AGBL4: variants seen among roughly 807,000 people sequenced by gnomAD.
AGBL4 encodes AGBL carboxypeptidase 4.
A neutral mutation model predicts 66.4 loss-of-function variants in AGBL4; 58 were observed. The ratio of observed to expected loss-of-function variants is 0.87; its 90% CI spans 0.71 to 1.09. The LOEUF (loss-of-function observed/expected upper bound fraction) is 1.09. AGBL4 is among the 50% of genes least tolerant of loss of function. AGBL4 has a pLI of 0.00. For missense variants in AGBL4, 579 were observed against 631.0 expected (o/e 0.92, Z 0.88); for synonymous variants, 234 against 222.9 (o/e 1.05, Z -0.44).
chr1:48,600,295 G>T (rs892697841), intron 9 of AGBL4, among the ~76,000 whole-genome samples: 1 of 152,138 alleles, frequency 6.6e-6, no homozygotes, highest in African/African-American at 2.4e-5. Context: ...AGTTCCCAGG[G>T]CCTAGATCCT....
At chr1:49,288,696 G>A (rs1241834812) in intron 3 of AGBL4, among the ~76,000 whole-genome samples, 1 of 152,162 alleles carries the variant, frequency 6.6e-6, no homozygotes, top group Non-Finnish European at 1.5e-5. Context: ...GGAGTTCAAG[G>A]CCTACCAAGT....
At chr1:48,702,199 G>T (rs1646813091) in intron 6 of AGBL4, among the ~76,000 whole-genome samples, 3 of 152,098 alleles carry the variant, frequency 2.0e-5, no homozygotes, top group Non-Finnish European at 4.4e-5. Context: ...CCCGCCTTCT[G>T]CTTTCTGAGC....
chr1:49,483,632 A>C (rs1342427177), intron 3 of AGBL4, among the ~76,000 whole-genome samples: 1 of 152,032 alleles, frequency 6.6e-6, no homozygotes, highest in East Asian at 1.9e-4. Flanking sequence ...ATCTACCTTA[A>C]ACTATAAAAC....
intron 1 of AGBL4, among the ~76,000 whole-genome samples, chr1:49,857,178 G>A (rs1276201900): frequency 6.6e-6 from 1 of 151,920 alleles, no homozygotes; most frequent in African/African-American, 2.4e-5. Context: ...CCAACGGGCT[G>A]AAAGACTGCA....
intron 5 of AGBL4, among the ~76,000 whole-genome samples, chr1:48,874,873 A>C (rs968446560): frequency 1.3e-5 from 2 of 152,264 alleles, no homozygotes; most frequent in African/African-American, 4.8e-5. Context: ...CATTCTGTGC[A>C]CCACCACCTT....
At chr1:48,544,166 C>T (rs1212631691) in intron 11 of AGBL4, among the ~76,000 whole-genome samples, 1 of 152,232 alleles carries the variant, frequency 6.6e-6, no homozygotes, top group East Asian at 1.9e-4. Flanking sequence ...TGACTGACCT[C>T]CTCTGTCCTC....
At position 48,955,244 on chromosome 1, in the gene AGBL4, C is replaced by T. The variant is rs140780190; in HGVS notation, c.595-88014G>A. ...TGAGTTGGGAGGGATATCAAGGTGACGCAGACATTTTTAACCACAGTTATA... is the reference window on the plus strand; with the variant it reads ...TGAGTTGGGAGGGATATCAAGGTGATGCAGACATTTTTAACCACAGTTATA... On this transcript the variant is annotated intron_variant, in intron 5 of 13. Transcript: ENST00000371839. Among the ~76,000 whole-genome samples, 356 of 152,304 alleles carry T rather than the reference C, an allele frequency of 2.3e-3. 4 individuals carry two copies. Among genetic ancestry groups the T allele is most frequent in the African/African-American group, 7.5e-3 (313 of 41,574 alleles).
intron 3 of AGBL4, among the ~76,000 whole-genome samples, chr1:49,523,165 A>G (rs1650399864): frequency 6.6e-6 from 1 of 152,100 alleles, no homozygotes; most frequent in Non-Finnish European, 1.5e-5. Flanking sequence ...TTTTCATACG[A>G]ATCAATGACA....
intron 3 of AGBL4, among the ~76,000 whole-genome samples, chr1:49,436,243 G>T (rs2148662597): frequency 6.6e-6 from 1 of 152,260 alleles, no homozygotes; most frequent in Admixed American, 6.5e-5. Context: ...TCATCTAGAA[G>T]TCGGTAAGTA....
intron 1 of AGBL4, among the ~76,000 whole-genome samples, chr1:49,948,442 TATAAATATATAAATATAG>T (rs1173137176): frequency 0.3 from 34,071 of 113,212 alleles, 6,074 homozygotes; most frequent in East Asian, 0.73. Context: ...TATAAATATA[TATAAATATATAAATATAG>T]ATAAATATAT....
intron 1 of AGBL4, among the ~76,000 whole-genome samples, chr1:49,862,009 C>T (rs1204007467): frequency 8.5e-5 from 13 of 152,100 alleles, no homozygotes; most frequent in Non-Finnish European, 1.6e-4. Flanking sequence ...AGCATCAAAA[C>T]CACCCACAAA....
chr1:49,396,539 CAAAAATATGAA>C (rs1644979417), intron 3 of AGBL4, among the ~76,000 whole-genome samples: 2 of 151,568 alleles, frequency 1.3e-5, no homozygotes, highest in African/African-American at 4.9e-5. Flanking sequence ...TTTTTAATAG[CAAAAATATGAA>C]AAAATAAATG....
At chr1:49,843,275 T>C (rs1646047069) in intron 2 of AGBL4, among the ~76,000 whole-genome samples, 1 of 150,900 alleles carries the variant, frequency 6.6e-6, no homozygotes. Flanking sequence ...TGCAGGTGTG[T>C]GTCACCATGC....
chr1:49,027,367 TG>T (rs1158095103), intron 5 of AGBL4, among the ~76,000 whole-genome samples: 1 of 152,102 alleles, frequency 6.6e-6, no homozygotes, highest in Non-Finnish European at 1.5e-5. Flanking sequence ...TTCACTATGT[TG>T]GCCAGGCTAG....
At chr1:48,630,863 C>CA (rs774785309) in intron 9 of AGBL4, among the ~76,000 whole-genome samples, 3 of 152,154 alleles carry the variant, frequency 2.0e-5, no homozygotes, top group Non-Finnish European at 4.4e-5. Flanking sequence ...GGCAGGTGCA[C>CA]ATGCTGTTTC....
rs140037267 is a variant in AGBL4 at position 48,534,969 on chromosome 1, G to A, written c.1365-53C>T. ...TCCTGCCTCTTAGGCTCTAGTAAAT[G>A]GAAGTTGAAGAGGTGCTATTCATCT... On this transcript the variant is annotated intron_variant, in intron 12 of 13. Transcript: ENST00000371839. 1,846 of 1,495,412 alleles carry A rather than the reference G, an allele frequency of 1.2e-3. 24 individuals are homozygous for A. The African/African-American group carries it at 0.023, about 19-fold the overall frequency. 92.6% of individuals were successfully genotyped at this position (1,495,412 alleles called of 1,614,324 possible).
chr1:49,882,926 G>A (rs1647561735), intron 1 of AGBL4, among the ~76,000 whole-genome samples: 2 of 152,036 alleles, frequency 1.3e-5, no homozygotes, highest in African/African-American at 4.8e-5. Context: ...ACTTCTAAAT[G>A]TCCCACCAGA....
intron 3 of AGBL4, among the ~76,000 whole-genome samples, chr1:49,654,488 T>C (rs1470569611): frequency 6.6e-6 from 1 of 152,184 alleles, no homozygotes; most frequent in Non-Finnish European, 1.5e-5. Context: ...TTGTTAGCTT[T>C]CTGTCTCGTT....
chr1:49,161,457 A>G (rs1646540695), intron 4 of AGBL4, among the ~76,000 whole-genome samples: 1 of 152,194 alleles, frequency 6.6e-6, no homozygotes, highest in Non-Finnish European at 1.5e-5. Flanking sequence ...TTCTGCATCA[A>G]TCTCACTGGG....
Sources: gnomAD v4.1 joint callset for allele counts (sites outside exome capture counted in the v4.1 genomes callset) on GRCh38, gnomAD v4.1.1 for gene constraint, MANE v1.5 for transcripts, NCBI Gene and HGNC (gene_info 2026-07-23, HGNC 2026-07-21) for gene names.